Variants in ADGRV1 observed in about 807,000 individuals in gnomAD.
ADGRV1 encodes the protein G-protein coupled receptor 98.
A neutral mutation model predicts 596.2 loss-of-function variants in ADGRV1; 359 were observed. The ratio of observed to expected loss-of-function variants is 0.60; its 90% CI spans 0.55 to 0.66. The LOEUF (loss-of-function observed/expected upper bound fraction) is 0.66. Ranked by LOEUF, ADGRV1 falls within the 30% of genes least tolerant of loss-of-function variation. The pLI is 0.00. For missense variants in ADGRV1, 7,274 were observed against 7,575.6 expected, an observed-to-expected ratio of 0.96 and a Z score of 1.48; for synonymous variants, 2,681 against 2,679.2, an observed-to-expected ratio of 1.00 and a Z score of -0.02.
intron 85 of ADGRV1, among the ~76,000 whole-genome samples, chr5:91,010,816 TA>T (rs1183954094): frequency 6.6e-6 from 1 of 151,988 alleles, no homozygotes; most frequent in Non-Finnish European, 1.5e-5. Context: ...TTAGACAAAG[TA>T]ATATTTTCTT....
chr5:90,821,544 G>T (rs1178689704), intron 75 of ADGRV1, among the ~76,000 whole-genome samples: 5 of 151,036 alleles, frequency 3.3e-5, no homozygotes, highest in African/African-American at 4.9e-5. Flanking sequence ...CATCTTTGTG[G>T]TTTTATCTAC....
intron 86 of ADGRV1, among the ~76,000 whole-genome samples, chr5:91,075,083 T>G (rs1788732286): frequency 6.6e-6 from 1 of 152,186 alleles, no homozygotes; most frequent in African/African-American, 2.4e-5. Context: ...TTCTGGATAT[T>G]AGACCATTGT....
At chr5:90,681,822 CTCACTCCG>C (rs1426116437) in intron 27 of ADGRV1, among the ~76,000 whole-genome samples, 4 of 126,980 alleles carry the variant, frequency 3.2e-5, no homozygotes, top group African/African-American at 1.2e-4. Context: ...CCCTCCCTCC[CTCACTCCG>C]TCCCTCCCTC....
intron 85 of ADGRV1, among the ~76,000 whole-genome samples, chr5:91,068,992 C>T (rs983446127): frequency 1.3e-5 from 2 of 151,974 alleles, no homozygotes; most frequent in Non-Finnish European, 2.9e-5. Flanking sequence ...AGGCTACACA[C>T]CTACAAACAT....
intron 42 of ADGRV1, among the ~76,000 whole-genome samples, chr5:90,713,172 A>T (rs185463239): frequency 0.053 from 8,110 of 151,926 alleles, 734 homozygotes; most frequent in African/African-American, 0.18. Flanking sequence ...GTTTTTTTTA[A>T]AAAAAATTTT....
At chr5:90,615,169 A>G (rs777800569) in intron 2 of ADGRV1, 150 bp downstream of exon 2, 16 of 557,798 alleles carry the variant, frequency 2.9e-5, no homozygotes, top group African/African-American at 7.6e-5. Context: ...TTCCATTTTT[A>G]TCTCTTACAG....
chr5:90,933,609 T>G (rs10942618), intron 83 of ADGRV1, among the ~76,000 whole-genome samples: 85,826 of 151,920 alleles, frequency 0.56, 25,495 homozygotes, highest in East Asian at 0.99. Context: ...GCAGAAGAGT[T>G]GGTTGATGAG....
chr5:90,871,585 G>A (rs1040013467), intron 83 of ADGRV1, among the ~76,000 whole-genome samples: 6 of 152,184 alleles, frequency 3.9e-5, no homozygotes, highest in Admixed American at 1.3e-4. Flanking sequence ...CATAGCTTTC[G>A]TTACTAGGAA....
intron 1 of ADGRV1, among the ~76,000 whole-genome samples, chr5:90,587,985 A>C (rs138742726): frequency 1.2e-4 from 18 of 152,364 alleles, no homozygotes; most frequent in Admixed American, 1.1e-3. Flanking sequence ...TTAATTTCAC[A>C]TAATTATACT....
intron 50 of ADGRV1, among the ~76,000 whole-genome samples, chr5:90,730,454 T>A (rs1042712682): frequency 1.3e-5 from 2 of 152,168 alleles, no homozygotes; most frequent in Non-Finnish European, 2.9e-5. Flanking sequence ...ATTTATGAAT[T>A]TTTTTTAAGT....
At chr5:90,559,351 ATAAACT>A (rs1374380523) in intron 1 of ADGRV1, among the ~76,000 whole-genome samples, 1 of 152,172 alleles carries the variant, frequency 6.6e-6, no homozygotes, top group Non-Finnish European at 1.5e-5. Flanking sequence ...GAAGGGTGAG[ATAAACT>A]TAAGGAGACT....
Position 90,651,735 on chromosome 5 carries a change from G to A in ADGRV1, c.3416+5G>A. ...AGGAAAGACTAATGCATTTTGGTAA[G>A]CATATGTAGATAAGGCAAGTTTAAA... On this transcript the variant is annotated splice_donor_5th_base_variant and intron_variant, in intron 18 of 89. Coordinates refer to ENST00000405460, the MANE Select transcript of ADGRV1 (RefSeq NM_032119.4). 1.3e-6 allele frequency: 2 copies of A among 1,593,532 alleles called. No homozygotes were observed. The highest frequency in any genetic ancestry group is 1.7e-6 in the Non-Finnish European group (2 of 1,163,746).
intron 47 of ADGRV1, 120 bp downstream of exon 47, chr5:90,725,352 A>C (rs548248884): frequency 9.3e-4 from 698 of 751,154 alleles, no homozygotes; most frequent in Non-Finnish European, 1.2e-3. Context: ...ACTTTTTGTG[A>C]GTTGATATAC....
At chr5:90,984,691 G>A (rs982240280) in intron 84 of ADGRV1, among the ~76,000 whole-genome samples, 2 of 152,156 alleles carry the variant, frequency 1.3e-5, no homozygotes, top group Non-Finnish European at 1.5e-5. Context: ...CACCTACACT[G>A]GTCTGTGAAA....
intron 86 of ADGRV1, among the ~76,000 whole-genome samples, chr5:91,097,398 G>A (rs1029046091): frequency 3.3e-5 from 5 of 152,046 alleles, no homozygotes; most frequent in African/African-American, 1.2e-4. Flanking sequence ...AAGTTTGGGG[G>A]GACACAAACA....
Position 90,705,468 on chromosome 5 carries a change from AGT to A in ADGRV1, c.8457_8458del (p.Ser2819ArgfsTer2). The A allele has an allele frequency of 6.2e-7, 1 of 1,613,942 alleles. No individual in the cohort carries two copies. Among genetic ancestry groups the A allele is most frequent in the Non-Finnish European group, 8.5e-7 (1 of 1,179,790 alleles). On this transcript the variant is annotated frameshift_variant, in exon 37 of 90. Transcript: ENST00000405460. LOFTEE classifies it high-confidence loss of function. ...GYAAVLTVEA[S>X]DEPHGVLNFA... ...TGCAGCTGTCCTCACAGTAGAAGCCAGTGATGAACCACATGGAGTTTTAAATT... is the reference window on the plus strand; with the variant it reads ...TGCAGCTGTCCTCACAGTAGAAGCCAGATGAACCACATGGAGTTTTAAATT...
At chr5:90,572,784 A>G (rs763169649) in intron 1 of ADGRV1, among the ~76,000 whole-genome samples, 70 of 152,218 alleles carry the variant, frequency 4.6e-4, no homozygotes, top group Non-Finnish European at 8.7e-4. Flanking sequence ...GGAAAAGGGA[A>G]GGATCTCCTG....
chr5:91,008,748 G>A (rs187425430), intron 85 of ADGRV1, among the ~76,000 whole-genome samples: 42 of 152,078 alleles, frequency 2.8e-4, no homozygotes, highest in African/African-American at 8.2e-4. Flanking sequence ...ATATCCTTCC[G>A]TCTCGGTCAC....
intron 9 of ADGRV1, among the ~76,000 whole-genome samples, chr5:90,630,886 C>T (rs1232547596): frequency 6.6e-6 from 1 of 152,090 alleles, no homozygotes; most frequent in Non-Finnish European, 1.5e-5. Flanking sequence ...TAACTGCTTT[C>T]TGTGCTTGTT....
Sources: gnomAD v4.1 joint callset for allele counts (sites outside exome capture counted in the v4.1 genomes callset) on GRCh38, gnomAD v4.1.1 for gene constraint, MANE v1.5 for transcripts, NCBI Gene and HGNC (gene_info 2026-07-23, HGNC 2026-07-21) for gene names.